The following TPCN2 variants were observed in gnomAD, a reference collection of about 807,000 sequenced individuals.
TPCN2 encodes the protein two pore channel protein 2.
Under a neutral mutation model 111.4 loss-of-function variants are expected in TPCN2, and 92 were observed. That is an observed-to-expected ratio of 0.83 (90% CI 0.70 to 0.98). The LOEUF is 0.98. Among genes scored for constraint, TPCN2 ranks in the 50% least tolerant of loss-of-function variants. The probability of loss-of-function intolerance (pLI) is 0.00; values close to 1 mark genes in which losing one functional copy is unlikely to be tolerated. For missense variants in TPCN2, 995 were observed against 980.1 expected, an observed-to-expected ratio of 1.02 and a Z score of -0.20; for synonymous variants, 405 against 414.5, an observed-to-expected ratio of 0.98 and a Z score of 0.28.
intron 7 of TPCN2, among the ~76,000 whole-genome samples, chr11:69,065,565 G>A (rs1349526519): frequency 1.3e-5 from 2 of 152,152 alleles, no homozygotes; most frequent in African/African-American, 2.4e-5. Flanking sequence ...ATGGTACCCG[G>A]CCCATCCTGC....
chr11:69,063,899 G>A lies in TPCN2; in HGVS notation c.658G>A (p.Gly220Arg), dbSNP rs773475603. 12 of 1,613,846 alleles carry A rather than the reference G, an allele frequency of 7.4e-6. No homozygotes were observed. The South Asian group carries it at 8.8e-5, about 12-fold the overall frequency. The change falls in exon 7 of 25, where the codon GGG (glycine) becomes AGG (arginine). Residue 220 changes from glycine to arginine, a missense_variant. Physicochemically the swap from Gly to Arg is moderately radical, Grantham distance 125. Transcript: ENST00000294309. Reference protein sequence around the residue: ...RWSLPEMASVGLLLAIHLCLF... With the variant: ...RWSLPEMASVRLLLAIHLCLF... ...GAGTGCCGTGCTCTCCCCCAGCGTC[G>A]GGCTGCTGCTGGCCATCCACCTGTG...
intron 3 of TPCN2, 137 bp from the exon 4 acceptor site, chr11:69,055,038 C>T (rs529242696): frequency 6.1e-6 from 6 of 990,336 alleles, no homozygotes; most frequent in Admixed American, 2.2e-5. Flanking sequence ...TGAGCAGATT[C>T]GTGATCTCCC....
chr11:69,056,041 C>T (rs529867974), intron 4 of TPCN2, among the ~76,000 whole-genome samples: 45 of 152,370 alleles, frequency 3.0e-4, no homozygotes, highest in African/African-American at 1.1e-3. Context: ...TTCTGAGCCT[C>T]GTCAGAGACT....
In TPCN2 at chr11:69,090,083, A is replaced by G. The variant is rs1856391326; in HGVS notation, c.*2130A>G. 6.6e-6 allele frequency: 1 copy of G among 152,142 alleles called. No homozygotes were observed. 9.4% of individuals were successfully genotyped at this position (152,142 alleles called of 1,614,324 possible). On this transcript the variant is annotated 3_prime_UTR_variant, in exon 25 of 25. Transcript: ENST00000294309. ...TTTTGAATGGAGAGTAGCATCAGGA[A>G]CCAGGATGTGGGTGCGAGGCGTGCT...
chr11:69,066,731 T>G (rs1855287659), intron 7 of TPCN2, among the ~76,000 whole-genome samples: 1 of 152,176 alleles, frequency 6.6e-6, no homozygotes, highest in Non-Finnish European at 1.5e-5. Context: ...AGTCCCGCTG[T>G]GCCACCTGCC....
chr11:69,086,715 G>T, intron 23 of TPCN2, 111 bp downstream of exon 23: 1 of 1,053,060 alleles, frequency 9.5e-7, no homozygotes, highest in Non-Finnish European at 1.5e-6. Context: ...TGGGAGAGTC[G>T]TGCTGGGTTA....
intron 9 of TPCN2, 58 bp downstream of exon 9, chr11:69,070,553 G>A (rs937829479): frequency 1.4e-5 from 19 of 1,330,024 alleles, no homozygotes; most frequent in Non-Finnish European, 1.9e-5. Context: ...CTCAGGGACC[G>A]ATACACCCTG....
intron 17 of TPCN2, 94 bp from the exon 18 acceptor site, chr11:69,081,306 C>T: frequency 2.6e-6 from 2 of 781,608 alleles, no homozygotes; most frequent in Non-Finnish European, 4.2e-6. Flanking sequence ...TGTTGCCCTC[C>T]CTGCGCCTCC....
rs1013171078 is a variant in TPCN2 at position 69,055,667 on chromosome 11, G to A, written c.429+315G>A. Among the ~76,000 whole-genome samples, 14 of 151,570 alleles carry A rather than the reference G, an allele frequency of 9.2e-5. No homozygotes were observed. The East Asian group carries it at 2.1e-3, about 23-fold the overall frequency. On this transcript the variant is annotated intron_variant, in intron 4 of 24. Coordinates refer to ENST00000294309, the MANE Select transcript of TPCN2 (RefSeq NM_139075.4). ...CCATGCAAACTGAGGCCAGTGTGCCGTCAGCTCTCCTCCCTCTCCACCATG... is the reference window on the plus strand; with the variant it reads ...CCATGCAAACTGAGGCCAGTGTGCCATCAGCTCTCCTCCCTCTCCACCATG...
At chr11:69,082,209 A>G (rs930376356) in intron 18 of TPCN2, among the ~76,000 whole-genome samples, 3 of 152,206 alleles carry the variant, frequency 2.0e-5, no homozygotes, top group Non-Finnish European at 4.4e-5. Context: ...ACGCACACAC[A>G]CGCGCACACG....
At chr11:69,064,044 T>C (rs1855149227) in intron 7 of TPCN2, 77 bp downstream of exon 7, 1 of 1,422,894 alleles carries the variant, frequency 7.0e-7, no homozygotes, top group African/African-American at 1.4e-5. Context: ...GGCTGGTGTC[T>C]GCTGCCCTGG....
chr11:69,072,824 C>G, intron 12 of TPCN2, 91 bp from the exon 13 acceptor site: 1 of 1,525,592 alleles, frequency 6.6e-7, no homozygotes, highest in Non-Finnish European at 9.1e-7. Flanking sequence ...ATTCACAGCC[C>G]GTCAGGGTGG....
At chr11:69,073,066 C>CACCTGGGGAACTCTT in intron 13 of TPCN2, 65 bp downstream of exon 13, 1 of 1,202,764 alleles carries the variant, frequency 8.3e-7, no homozygotes, top group South Asian at 1.2e-5. Context: ...TGCCCTTGAT[C>CACCTGGGGAACTCTT]ACCTGGGGAA....
chr11:69,083,247 C>G (rs1856122308), intron 18 of TPCN2: 1 of 152,968 alleles, frequency 6.5e-6, no homozygotes, highest in Non-Finnish European at 1.5e-5. Flanking sequence ...CTTGAAGTCG[C>G]AGTTTCCCAG....
At chr11:69,071,740 C>T (rs923685728) in intron 10 of TPCN2, among the ~76,000 whole-genome samples, 183 bp from the exon 11 acceptor site, 2 of 152,152 alleles carry the variant, frequency 1.3e-5, no homozygotes, top group South Asian at 2.1e-4. Context: ...CGGCCTGTCC[C>T]GGGAGTCTGA....
chr11:69,085,093 T>C, intron 19 of TPCN2, 117 bp from the exon 20 acceptor site: 1 of 1,038,536 alleles, frequency 9.6e-7, no homozygotes, highest in Non-Finnish European at 1.5e-6. Flanking sequence ...ATCCCAGCCC[T>C]GGGCAGAGGG....
chr11:69,073,383 A>G (rs554423623), intron 13 of TPCN2, among the ~76,000 whole-genome samples: 2 of 152,318 alleles, frequency 1.3e-5, no homozygotes, highest in African/African-American at 4.8e-5. Context: ...TCAGCATCCG[A>G]CTAAGCTCTG....
At chr11:69,083,446 G>A (rs547777623) in intron 18 of TPCN2, among the ~76,000 whole-genome samples, 1 of 152,326 alleles carries the variant, frequency 6.6e-6, no homozygotes, top group East Asian at 1.9e-4. Flanking sequence ...CTTTGGAGCC[G>A]GGGCCTCCCT....
rs749821102 is a variant in TPCN2 at position 69,054,012 on chromosome 11, A to T, written c.110-21A>T. 1.9e-6 allele frequency: 3 copies of T among 1,610,778 alleles called. No individual in the cohort carries two copies. The East Asian group carries it at 6.7e-5, about 36-fold the overall frequency. On this transcript the variant is annotated intron_variant, in intron 1 of 24. Coordinates refer to ENST00000294309, the MANE Select transcript of TPCN2 (RefSeq NM_139075.4). Reference sequence around the variant, plus strand: ...CCATGTCATCCTGCTCGGTCACCTGATGTGTCCCCTCTGCCTGCAGGTGCC... The same window carrying T: ...CCATGTCATCCTGCTCGGTCACCTGTTGTGTCCCCTCTGCCTGCAGGTGCC...
Sources: allele counts gnomAD v4.1 joint callset (sites outside exome capture counted in the v4.1 genomes callset), GRCh38; gene constraint gnomAD v4.1.1; transcripts MANE v1.5; gene names NCBI Gene and HGNC (gene_info 2026-07-23, HGNC 2026-07-21).